MYO3A: variants seen among roughly 807,000 people sequenced by gnomAD.
MYO3A encodes the protein myosin IIIA.
A neutral mutation model predicts 192.7 loss-of-function variants in MYO3A; 180 were observed. The ratio of observed to expected loss-of-function variants is 0.93; its 90% CI spans 0.83 to 1.06. MYO3A has a LOEUF of 1.06. Ranked by LOEUF, MYO3A falls within the 50% of genes least tolerant of loss-of-function variation. The pLI is 0.00. For synonymous variants in MYO3A, 628 were observed against 645.3 expected, an observed-to-expected ratio of 0.97 and a Z score of 0.41; for missense variants, 1,896 against 1,905.0, an observed-to-expected ratio of 1.00 and a Z score of 0.09.
In MYO3A at chr10:26,174,463, A is replaced by G. The variant is rs1842214383; in HGVS notation, c.4199A>G (p.His1400Arg). The G allele has an allele frequency of 5.0e-6, 8 of 1,614,066 alleles. No homozygotes were observed. Among genetic ancestry groups the G allele is most frequent in the South Asian group, 2.2e-5 (2 of 91,092 alleles). The stretch of plus-strand genomic sequence containing the variant: ...AATTTGTATTCCTATCCCACAAAAC[A>G]TGAGGAAATCAATAACATCAAGAAG... ...THNLYSYPTK[H>R]EEINNIKKKD... The change falls in exon 30 of 35, where the codon CAT becomes CGT. Residue 1400 changes from histidine (H) to arginine (R), a missense_variant. Coordinates refer to ENST00000642920, the MANE Select transcript of MYO3A (RefSeq NM_017433.5).
In MYO3A at chr10:26,168,755, G is replaced by T; in HGVS notation, c.3155G>T (p.Arg1052Leu). The T allele has an allele frequency of 6.2e-7, 1 of 1,613,302 alleles. No individual in the cohort carries two copies. Among genetic ancestry groups the T allele is most frequent in the Non-Finnish European group, 8.5e-7 (1 of 1,179,710 alleles). Residue 1052 changes from arginine to leucine, a missense_variant, in exon 28 of 35, where the codon CGA becomes CTA. Physicochemically the swap from Arg to Leu is moderately radical, Grantham distance 102 (BLOSUM62 -2). Coordinates refer to ENST00000642920, the MANE Select transcript of MYO3A (RefSeq NM_017433.5). ...YYHVEQLNLMRKEAIDKLILI... is the reference protein window; with the variant it reads ...YYHVEQLNLMLKEAIDKLILI... ...CACGTGGAGCAGTTAAATCTAATGC[G>T]AAAGGAAGCTATTGACAAGCTTATT...
intron 10 of MYO3A, among the ~76,000 whole-genome samples, chr10:26,060,781 A>C (rs1344952377): frequency 6.6e-6 from 1 of 152,204 alleles, no homozygotes; most frequent in Non-Finnish European, 1.5e-5. Flanking sequence ...GGACTTACTC[A>C]TTTTAAGAAA....
chr10:26,083,795 C>T (rs1201675865), intron 14 of MYO3A, among the ~76,000 whole-genome samples: 1 of 152,142 alleles, frequency 6.6e-6, no homozygotes, highest in African/African-American at 2.4e-5. Flanking sequence ...TGTGTCTTCT[C>T]AACGTAAAGA....
intron 4 of MYO3A, among the ~76,000 whole-genome samples, chr10:25,990,463 T>C (rs1217169257): frequency 2.0e-5 from 3 of 149,284 alleles, no homozygotes; most frequent in African/African-American, 7.7e-5. Flanking sequence ...ATTTGTAGAA[T>C]CATAATTCTT....
chr10:26,204,520 T>A (rs1247433268), intron 34 of MYO3A: 1 of 152,246 alleles, frequency 6.6e-6, no homozygotes, highest in Non-Finnish European at 1.5e-5. Flanking sequence ...CTGCCTACAT[T>A]GTGCTAGGCA....
At chr10:26,033,352 T>C (rs1394549210) in intron 10 of MYO3A, among the ~76,000 whole-genome samples, 2 of 152,216 alleles carry the variant, frequency 1.3e-5, no homozygotes, top group Non-Finnish European at 2.9e-5. Context: ...GTGCTGGGAT[T>C]ACAGGCATGA....
chr10:26,041,292 AGT>A (rs1280464040), intron 10 of MYO3A, among the ~76,000 whole-genome samples: 1 of 151,880 alleles, frequency 6.6e-6, no homozygotes, highest in Non-Finnish European at 1.5e-5. Flanking sequence ...TTTTAGATGA[AGT>A]GTGTTTCTTG....
intron 26 of MYO3A, among the ~76,000 whole-genome samples, chr10:26,163,557 T>C (rs1046691433): frequency 3.9e-5 from 6 of 152,058 alleles, no homozygotes; most frequent in African/African-American, 1.5e-4. Flanking sequence ...GTTAGATCCA[T>C]AGAGTGAAGA....
intron 10 of MYO3A, among the ~76,000 whole-genome samples, chr10:26,047,354 A>G (rs1843690736): frequency 6.6e-6 from 1 of 152,244 alleles, no homozygotes; most frequent in Admixed American, 6.5e-5. Context: ...AAGGGTTATC[A>G]AGAGCTTTAA....
Position 26,067,053 on chromosome 10 carries a change from A to G in MYO3A, c.1032A>G (p.Ala344=). 1 of 1,611,098 alleles carries G rather than the reference A, an allele frequency of 6.2e-7. No individual in the cohort carries two copies. The highest frequency in any genetic ancestry group is 8.5e-7 in the Non-Finnish European group (1 of 1,177,322). Residue 344 remains alanine (A), a synonymous_variant, in exon 11 of 35, where the codon GCA becomes GCG. Transcript: ENST00000642920. ...ISNLKDVDDL[A]TLEILDENTV... The stretch of plus-strand genomic sequence containing the variant: ...ATCTGAAGGATGTAGATGATTTAGC[A>G]ACCCTAGAAATTTTGGATGAGGTAA...
At chr10:26,114,199 T>C (rs1838368277) in intron 17 of MYO3A, among the ~76,000 whole-genome samples, 1 of 152,176 alleles carries the variant, frequency 6.6e-6, no homozygotes, top group Admixed American at 6.5e-5. Flanking sequence ...CTGCCAGGGA[T>C]GGGCCACTTT....
chr10:26,169,735 C>T (rs1841948798), intron 28 of MYO3A, among the ~76,000 whole-genome samples: 1 of 152,138 alleles, frequency 6.6e-6, no homozygotes, highest in African/African-American at 2.4e-5. Context: ...TATTTTAAGC[C>T]CTTAACTTCT....
At chr10:26,133,044 A>T (rs1839631907) in intron 20 of MYO3A, among the ~76,000 whole-genome samples, 1 of 152,228 alleles carries the variant, frequency 6.6e-6, no homozygotes, top group Non-Finnish European at 1.5e-5. Context: ...TTTGATTTTT[A>T]AAAATGTGTG....
intron 32 of MYO3A, 51 bp from the exon 33 acceptor site, chr10:26,201,214 A>G: frequency 9.6e-7 from 1 of 1,037,064 alleles, no homozygotes; most frequent in East Asian, 2.8e-5. Flanking sequence ...TATATCCATT[A>G]TATTAAGATC....
intron 10 of MYO3A, among the ~76,000 whole-genome samples, chr10:26,051,049 G>A (rs1193172715): frequency 6.6e-6 from 1 of 152,138 alleles, no homozygotes; most frequent in Non-Finnish European, 1.5e-5. Context: ...TATTAAAATA[G>A]TGCACAGCTG....
At position 26,016,960 on chromosome 10, in the gene MYO3A, T is replaced by G. The variant is rs551724219; in HGVS notation, c.585+64T>G. 4.2e-6 allele frequency: 6 copies of G among 1,421,694 alleles called. No homozygotes were observed. In the South Asian group the frequency reaches 5.7e-5, roughly 14 times the overall value. 88.1% of individuals were successfully genotyped at this position (1,421,694 alleles called of 1,614,324 possible). Reference sequence around the variant, plus strand: ...ATCCTGTTTGACTTTCCTTTTTATGTGTACTCTATCTCTGTAAGCATTTTG... The same window carrying G: ...ATCCTGTTTGACTTTCCTTTTTATGGGTACTCTATCTCTGTAAGCATTTTG... On this transcript the variant is annotated intron_variant, in intron 7 of 34. Transcript: ENST00000642920.
intron 23 of MYO3A, among the ~76,000 whole-genome samples, chr10:26,151,721 C>G (rs1239696414): frequency 2.0e-5 from 3 of 152,060 alleles, no homozygotes; most frequent in Admixed American, 2.0e-4. Flanking sequence ...CACTTGTTTT[C>G]TGTTGGTTAT....
At chr10:25,976,917 A>G (rs2130770667) in intron 4 of MYO3A, among the ~76,000 whole-genome samples, 1 of 152,226 alleles carries the variant, frequency 6.6e-6, no homozygotes, top group Admixed American at 6.5e-5. Flanking sequence ...ATTTTTTATT[A>G]TCTGTTGCCT....
chr10:26,009,644 T>C (rs1228632756), intron 6 of MYO3A, among the ~76,000 whole-genome samples: 1 of 152,180 alleles, frequency 6.6e-6, no homozygotes, highest in African/African-American at 2.4e-5. Flanking sequence ...TTGTCTGACC[T>C]CAACACAGCT....
Sources: gnomAD v4.1 joint callset for allele counts (sites outside exome capture counted in the v4.1 genomes callset) on GRCh38, gnomAD v4.1.1 for gene constraint, MANE v1.5 for transcripts, NCBI Gene and HGNC (gene_info 2026-07-23, HGNC 2026-07-21) for gene names.